Variants in SCN1A observed in about 807,000 individuals in gnomAD.
The protein encoded by SCN1A is sodium voltage-gated channel alpha subunit 1, also known as sodium channel protein type 1 subunit alpha.
SCN1A carries 13 observed loss-of-function variants against 193.7 expected under a neutral mutation model. The observed-to-expected ratio is 0.07, with a 90% CI of 0.04 to 0.11. The LOEUF is 0.11. SCN1A is among the 10% of genes least tolerant of loss of function. The pLI, the probability that SCN1A is intolerant of heterozygous loss-of-function variation, is 1.00. For synonymous variants in SCN1A, 781 were observed against 843.6 expected (o/e 0.93, Z 1.29); for missense variants, 1,432 against 2,451.1 (o/e 0.58, Z 8.78).
At chr2:166,028,677 T>C (rs1164909047) in intron 19 of SCN1A, among the ~76,000 whole-genome samples, 1 of 152,204 alleles carries the variant, frequency 6.6e-6, no homozygotes, top group Non-Finnish European at 1.5e-5. Context: ...ATTTGATAAA[T>C]GGTAACAATT....
intron 2 of SCN1A, among the ~76,000 whole-genome samples, chr2:166,094,218 G>T (rs770345814): frequency 6.6e-6 from 1 of 152,194 alleles, no homozygotes; most frequent in Non-Finnish European, 1.5e-5. Flanking sequence ...AACAAGGAAT[G>T]ACCCTTGGAG....
chr2:166,063,585 T>A (rs1683541826), intron 4 of SCN1A, among the ~76,000 whole-genome samples: 2 of 152,108 alleles, frequency 1.3e-5, no homozygotes, highest in South Asian at 4.1e-4. Flanking sequence ...GATGCTCAAC[T>A]ATTTGTTTTA....
chr2:166,110,158 G>A (rs945723007), intron 2 of SCN1A, among the ~76,000 whole-genome samples: 10 of 151,778 alleles, frequency 6.6e-5, no homozygotes, highest in African/African-American at 2.4e-4. Flanking sequence ...CACCTACTAT[G>A]TAGCCATACA....
intron 12 of SCN1A, 139 bp from the exon 13 acceptor site, chr2:166,045,466 G>T: frequency 2.1e-6 from 2 of 969,212 alleles, no homozygotes; most frequent in Non-Finnish European, 1.5e-6. Flanking sequence ...TTCTCTGCAA[G>T]TATAAGAGGA....
At chr2:166,011,985 A>G (rs1269407028) in intron 22 of SCN1A, 124 bp downstream of exon 22, 3 of 811,750 alleles carry the variant, frequency 3.7e-6, no homozygotes, top group Non-Finnish European at 6.3e-6. Context: ...CATTGCATAT[A>G]TGCGTTTAGT....
chr2:166,067,576 G>C (rs1683975472), intron 4 of SCN1A, among the ~76,000 whole-genome samples: 1 of 151,708 alleles, frequency 6.6e-6, no homozygotes. Context: ...ACTAGTCTTA[G>C]GCAAGTTATT....
Position 165,988,376 on chromosome 2 carries a change from A to C in SCN1A, c.*2869T>G. On this transcript the variant is annotated 3_prime_UTR_variant, in exon 29 of 29. Transcript: ENST00000674923. ...GAAATGAGGCATATAGAAGAATTTC[A>C]TGAAGGGGACATTTACAAAAGTGTC... 1 of 152,180 alleles carries C rather than the reference A, an allele frequency of 6.6e-6. No individual in the cohort carries two copies. The highest frequency in any genetic ancestry group is 1.9e-4 in the East Asian group (1 of 5,178). 9.4% of individuals were successfully genotyped at this position (152,180 alleles called of 1,614,324 possible).
chr2:166,133,662 T>C (rs115092481), intron 1 of SCN1A, among the ~76,000 whole-genome samples: 341 of 152,306 alleles, frequency 2.2e-3, no homozygotes, highest in African/African-American at 7.8e-3. Context: ...TTATTTTTGA[T>C]CTTTTCTTCT....
Position 166,044,182 on chromosome 2 carries a change from A to G in SCN1A, c.1663-133T>C, listed in dbSNP as rs1697518269. 1.3e-5 allele frequency: 14 copies of G among 1,068,258 alleles called. No homozygotes were observed. In the South Asian group the frequency reaches 1.8e-4, roughly 14 times the overall value. The allele number at this position is 1,068,258 out of a possible 1,614,324, so 66.2% of individuals were successfully genotyped here. ...ATATGGTTCATTCCTTTTGATTATC[A>G]TTCTCATTTTATGTGCATTCACATT... On this transcript the variant is annotated intron_variant, in intron 13 of 28. Coordinates refer to ENST00000674923, the MANE Select transcript of SCN1A (RefSeq NM_001165963.4).
At chr2:166,131,531 C>T (rs988737998), upstream of SCN1A, among the ~76,000 whole-genome samples, 1 of 152,078 alleles carries the variant, frequency 6.6e-6, no homozygotes, top group Non-Finnish European at 1.5e-5. Context: ...TTAAAGAGAG[C>T]GTGAGGTCAC....
chr2:166,135,672 G>A (rs1446846066), intron 1 of SCN1A, among the ~76,000 whole-genome samples: 1 of 152,170 alleles, frequency 6.6e-6, no homozygotes, highest in East Asian at 1.9e-4. Context: ...GCCAAATAAT[G>A]GACAGAAATC....
rs1691095704 is a variant in SCN1A at position 166,002,745 on chromosome 2, C to G, written c.4011G>C (p.Val1337=). 6.2e-7 allele frequency: 1 copy of G among 1,609,722 alleles called. No homozygotes were observed. Among genetic ancestry groups the G allele is most frequent in the African/African-American group, 1.3e-5 (1 of 74,554 alleles). ...LSRFEGMRVV[V]NALLGAIPSI... ...ATGGAATTGCTCCTAAAAGGGCATTCACAACCACCTAATACACAAATGGAA... is the reference window on the plus strand; with the variant it reads ...ATGGAATTGCTCCTAAAAGGGCATTGACAACCACCTAATACACAAATGGAA... Residue 1337 remains valine (V), a synonymous_variant, in exon 24 of 29, where the codon GTG becomes GTC. Transcript: ENST00000674923.
chr2:166,078,115 C>A (rs1306440452), intron 2 of SCN1A, among the ~76,000 whole-genome samples: 1 of 151,572 alleles, frequency 6.6e-6, no homozygotes, highest in Non-Finnish European at 1.5e-5. Context: ...TTGTGCAAAC[C>A]CATAGAATGT....
At chr2:166,047,832 C>CAA in intron 10 of SCN1A, 64 bp from the exon 11 acceptor site, 1 of 1,598,768 alleles carries the variant, frequency 6.3e-7, no homozygotes, top group African/African-American at 1.3e-5. Context: ...TGATACTATG[C>CAA]TATGATATTG....
chr2:166,012,087 C>T (rs1692538347), intron 22 of SCN1A, 22 bp downstream of exon 22: 1 of 1,607,214 alleles, frequency 6.2e-7, no homozygotes, highest in African/African-American at 1.3e-5. Flanking sequence ...TGAACAGAGA[C>T]AAAAATATGA....
At chr2:166,085,382 T>C (rs1330660359) in intron 2 of SCN1A, among the ~76,000 whole-genome samples, 2 of 152,200 alleles carry the variant, frequency 1.3e-5, no homozygotes, top group Admixed American at 1.3e-4. Flanking sequence ...GCCAGAAGGA[T>C]GTTTATGGTG....
intron 2 of SCN1A, among the ~76,000 whole-genome samples, chr2:166,080,665 A>T (rs1448134032): frequency 6.6e-6 from 1 of 151,804 alleles, no homozygotes; most frequent in Non-Finnish European, 1.5e-5. Context: ...ATGAAATGGA[A>T]GTGAGAGATC....
At position 165,990,044 on chromosome 2, in the gene SCN1A, A is replaced by C. The variant is rs1688925958; in HGVS notation, c.*1201T>G. On this transcript the variant is annotated 3_prime_UTR_variant, in exon 29 of 29. Coordinates refer to ENST00000674923, the MANE Select transcript of SCN1A (RefSeq NM_001165963.4). The stretch of plus-strand genomic sequence containing the variant: ...TACCACTGACATATGGTTTCTCATA[A>C]ATGAGATTCTGAGCAGTGAGAGAAA... 1 of 152,560 alleles carries C rather than the reference A, an allele frequency of 6.6e-6. No individual in the cohort carries two copies. Among genetic ancestry groups the C allele is most frequent in the Admixed American group, 6.6e-5 (1 of 15,252 alleles). 9.5% of individuals were successfully genotyped at this position (152,560 alleles called of 1,614,324 possible). A position where few individuals can be genotyped will look rare whatever the true frequency, so the allele number is the denominator to read the frequency against.
In SCN1A at chr2:166,036,309, G is replaced by A; in HGVS notation, c.3168C>T (p.Asn1056=). 1 of 1,613,604 alleles carries A rather than the reference G, an allele frequency of 6.2e-7. No individual in the cohort carries two copies. The highest frequency in any genetic ancestry group is 8.5e-7 in the Non-Finnish European group (1 of 1,179,768). ...DEIKPLDDLN[N]KKDSCMSNHT... is the part of the protein sequence containing the mutation. ...GATTGGACATACAACTGTCTTTCTTGTTGTTTAGATCATCAAGTGGTTTAA... is the reference window on the plus strand; with the variant it reads ...GATTGGACATACAACTGTCTTTCTTATTGTTTAGATCATCAAGTGGTTTAA... The change falls in exon 19 of 29, where the codon AAC becomes AAT. Residue 1056 remains asparagine (N), a synonymous_variant. Coordinates refer to ENST00000674923, the MANE Select transcript of SCN1A (RefSeq NM_001165963.4).
Sources: allele counts gnomAD v4.1 joint callset (sites outside exome capture counted in the v4.1 genomes callset), GRCh38; gene constraint gnomAD v4.1.1; transcripts MANE v1.5; gene names NCBI Gene and HGNC (gene_info 2026-07-23, HGNC 2026-07-21).